Variants in CACNA1G observed in about 807,000 individuals in gnomAD.
CACNA1G encodes voltage-dependent T-type calcium channel subunit alpha-1G.
Under a neutral mutation model 219.4 loss-of-function variants are expected in CACNA1G, and 67 were observed. The observed-to-expected ratio is 0.31, with a 90% CI of 0.25 to 0.37. The LOEUF is 0.37. Ranked by LOEUF, CACNA1G falls within the 10% of genes least tolerant of loss-of-function variation. The pLI, the probability that CACNA1G is intolerant of heterozygous loss-of-function variation, is 1.00. For missense variants in CACNA1G, 2,380 were observed against 3,231.4 expected (o/e 0.74, Z 6.39); for synonymous variants, 1,296 against 1,345.3 (o/e 0.96, Z 0.80).
chr17:50,613,222 A>G (rs546868498), intron 26 of CACNA1G, among the ~76,000 whole-genome samples: 3 of 152,190 alleles, frequency 2.0e-5, no homozygotes, highest in Non-Finnish European at 4.4e-5. Flanking sequence ...TCTCCCTCTG[A>G]AAAACAAAGG....
Position 50,576,255 on chromosome 17 carries a change from C to G in CACNA1G, c.1853C>G (p.Thr618Ser), listed in dbSNP as rs749468845. 47 of 1,593,816 alleles carry G rather than the reference C, an allele frequency of 2.9e-5. No homozygotes were observed. Among genetic ancestry groups the G allele is most frequent in the Non-Finnish European group, 3.9e-5 (46 of 1,171,164 alleles). ...VEVAASSGPP[T>S]LTSLNIPPGP... ...GTGGCTGCCAGCTCTGGGCCCCCAA[C>G]CCTCACCAGCCTCAACATCCCACCC... The change falls in exon 8 of 38, where the codon ACC becomes AGC. Residue 618 changes from threonine to serine, a missense_variant. Coordinates refer to ENST00000359106, the MANE Select transcript of CACNA1G (RefSeq NM_018896.5).
At position 50,572,865 on chromosome 17, in the gene CACNA1G, C is replaced by T; in HGVS notation, c.1047+11C>T. The T allele has an allele frequency of 6.2e-7, 1 of 1,609,262 alleles. No homozygotes were observed. The highest frequency in any genetic ancestry group is 8.5e-7 in the Non-Finnish European group (1 of 1,177,188). On this transcript the variant is annotated intron_variant, in intron 6 of 37. Transcript: ENST00000359106. ...ATCGCCATCTTCCAGGTGGGGCAGCCTGGGCCCCGGGAGCTTCCCCAGAAC... is the reference window on the plus strand; with the variant it reads ...ATCGCCATCTTCCAGGTGGGGCAGCTTGGGCCCCGGGAGCTTCCCCAGAAC...
chr17:50,579,531 C>T (rs544450908), intron 9 of CACNA1G, among the ~76,000 whole-genome samples: 2 of 152,110 alleles, frequency 1.3e-5, no homozygotes, highest in Admixed American at 1.3e-4. Context: ...CCCCCTCCCC[C>T]CAGTCTGGCC....
At chr17:50,608,461 A>T (rs2048422035) in intron 25 of CACNA1G, among the ~76,000 whole-genome samples, 2 of 151,916 alleles carry the variant, frequency 1.3e-5, no homozygotes, top group South Asian at 4.2e-4. Flanking sequence ...TCAGTAATGG[A>T]CAACAGCGTA....
chr17:50,592,521 G>A (rs1317206464), intron 13 of CACNA1G, among the ~76,000 whole-genome samples: 1 of 152,210 alleles, frequency 6.6e-6, no homozygotes, highest in Non-Finnish European at 1.5e-5. Context: ...AGATGAAGAT[G>A]CCACTAAGAC....
intron 28 of CACNA1G, among the ~76,000 whole-genome samples, chr17:50,616,849 C>T (rs536450750): frequency 6.6e-5 from 10 of 152,040 alleles, no homozygotes; most frequent in African/African-American, 1.4e-4. Flanking sequence ...GGGTGTTTTT[C>T]GTTTTGTTTT....
intron 17 of CACNA1G, 34 bp downstream of exon 17, chr17:50,599,893 CCT>C (rs2046279318): frequency 6.3e-7 from 1 of 1,583,586 alleles, no homozygotes; most frequent in Non-Finnish European, 8.6e-7. Context: ...ACCCCTCACC[CCT>C]GACCTTGAAA....
chr17:50,578,151 G>A lies in CACNA1G; in HGVS notation c.1925-37G>A. The A allele has an allele frequency of 6.6e-7, 1 of 1,508,308 alleles. No individual in the cohort carries two copies. Among genetic ancestry groups the A allele is most frequent in the East Asian group, 2.3e-5 (1 of 43,770 alleles). The allele number at this position is 1,508,308 out of a possible 1,614,324, so 93.4% of individuals were successfully genotyped here. A position where few individuals can be genotyped will look rare whatever the true frequency, so the allele number is the denominator to read the frequency against. On this transcript the variant is annotated intron_variant, in intron 8 of 37. Transcript: ENST00000359106. The surrounding 1 kb of genome is among the most constrained non-coding windows in gnomAD (Gnocchi z 4.5). Reference sequence around the variant, plus strand: ...CAGGGCAGGGTAGCCCCAGGTACGAGACTCTGGAGCCTCTCACCTCTACTC... The same window carrying A: ...CAGGGCAGGGTAGCCCCAGGTACGAAACTCTGGAGCCTCTCACCTCTACTC...
intron 9 of CACNA1G, among the ~76,000 whole-genome samples, chr17:50,588,879 G>T (rs1040737309): frequency 6.6e-6 from 1 of 152,172 alleles, no homozygotes; most frequent in Non-Finnish European, 1.5e-5. Context: ...CCCTTGTTCC[G>T]AGTCTTTTCA....
rs372091314 is a variant in CACNA1G, at chr17:50,609,940, T to C, written c.4759+5T>C. Reference sequence around the variant, plus strand: ...GCTCAGCCAGCGCTGCGTCAGGTACTGCGTCTGGGGTGTGGGCTCATGCGT... The same window carrying C: ...GCTCAGCCAGCGCTGCGTCAGGTACCGCGTCTGGGGTGTGGGCTCATGCGT... On this transcript the variant is annotated splice_donor_5th_base_variant and intron_variant, in intron 26 of 37. Coordinates refer to ENST00000359106, the MANE Select transcript of CACNA1G (RefSeq NM_018896.5). 47 of 1,609,508 alleles carry C rather than the reference T, an allele frequency of 2.9e-5. No individual in the cohort carries two copies. Among genetic ancestry groups the C allele is most frequent in the Non-Finnish European group, 3.9e-5 (46 of 1,179,400 alleles).
rs1455531230 is a variant in CACNA1G, at chr17:50,602,816, G to T, written c.3916-4G>T. On this transcript the variant is annotated splice_polypyrimidine_tract_variant and splice_region_variant and intron_variant, in intron 19 of 37. Coordinates refer to ENST00000359106, the MANE Select transcript of CACNA1G (RefSeq NM_018896.5). ...GGGCAACCCCTGCCTCCCCTCTCTTGCAGGAACGCATCTTCCTGACCCTCT... is the reference window on the plus strand; with the variant it reads ...GGGCAACCCCTGCCTCCCCTCTCTTTCAGGAACGCATCTTCCTGACCCTCT... 1 of 1,613,530 alleles carries T rather than the reference G, an allele frequency of 6.2e-7. No homozygotes were observed. The highest frequency in any genetic ancestry group is 8.5e-7 in the Non-Finnish European group (1 of 1,179,756).
rs749639932 is a variant in CACNA1G at position 50,602,884 on chromosome 17, T to C, written c.3980T>C (p.Val1327Ala). 5.6e-6 allele frequency: 9 copies of C among 1,610,616 alleles called. No homozygotes were observed. Among genetic ancestry groups the C allele is most frequent in the Non-Finnish European group, 1.7e-6 (2 of 1,179,252 alleles). Residue 1327 changes from valine (V) to alanine (A), a missense_variant, in exon 20 of 38, where the codon GTG becomes GCG. Coordinates refer to ENST00000359106, the MANE Select transcript of CACNA1G (RefSeq NM_018896.5). ...GCAGTCTTTCTGGCTGAAATGACAG[T>C]GAAGGTGATGGGGGCTGGTGTTGGC... is the stretch of plus-strand genomic sequence containing the variant. ...FTAVFLAEMT[V>A]KVVALGWCFG...
intron 26 of CACNA1G, 48 bp downstream of exon 26, chr17:50,609,983 AC>A: frequency 6.4e-7 from 1 of 1,553,210 alleles, no homozygotes; most frequent in Non-Finnish European, 8.8e-7. Flanking sequence ...CATGCTCTTC[AC>A]TCCCTCCCCG....
At position 50,619,800 on chromosome 17, in the gene CACNA1G, C is replaced by A; in HGVS notation, c.5899C>A (p.Pro1967Thr). ...CCAGCCCTCTGCCTTCCCTTCTGCC[C>A]CCAGCCTGGGAGGCTCCGACCCACA... ...GGQPSAFPSA[P>T]SLGGSDPQIP... The change falls in exon 34 of 38, where the codon CCC becomes ACC. Residue 1967 changes from proline to threonine, a missense_variant. Physicochemically the swap from Pro to Thr is conservative, Grantham distance 38. Coordinates refer to ENST00000359106, the MANE Select transcript of CACNA1G (RefSeq NM_018896.5). 2 of 1,606,398 alleles carry A rather than the reference C, an allele frequency of 1.2e-6. No individual in the cohort carries two copies. Among genetic ancestry groups the A allele is most frequent in the East Asian group, 4.5e-5 (2 of 44,688 alleles).
chr17:50,626,763 C>T lies in CACNA1G; in HGVS notation c.*12C>T. On this transcript the variant is annotated 3_prime_UTR_variant, in exon 38 of 38. Coordinates refer to ENST00000359106, the MANE Select transcript of CACNA1G (RefSeq NM_018896.5). This position sits in a 1 kb window ranked among gnomAD's most constrained non-coding sequence, Gnocchi z 4.3. ...ACCTGGACCCCTGAGTCCTGCCCCA[C>T]TTTCCCACTCACCTTTCTCCACTGG... The T allele has an allele frequency of 6.2e-7, 1 of 1,613,104 alleles. No homozygotes were observed. Among genetic ancestry groups the T allele is most frequent in the Non-Finnish European group, 8.5e-7 (1 of 1,179,896 alleles).
At position 50,621,646 on chromosome 17, in the gene CACNA1G, C is replaced by G. The variant is rs1247432907; in HGVS notation, c.5926-14C>G. The G allele has an allele frequency of 2.0e-5, 33 of 1,613,046 alleles. No individual in the cohort carries two copies. The highest frequency in any genetic ancestry group is 2.8e-5 in the Non-Finnish European group (33 of 1,179,334). On this transcript the variant is annotated splice_polypyrimidine_tract_variant and intron_variant, in intron 34 of 37. Transcript: ENST00000359106. This position sits in a 1 kb window ranked among gnomAD's most constrained non-coding sequence, Gnocchi z 4.6. ...CCTGGTTTCTCATGCCTGATCATCT[C>G]TCTCCCTGTCTAGATCCCTCTAGCT...
At position 50,603,096 on chromosome 17, in the gene CACNA1G, A is replaced by G. The variant is rs1202527050; in HGVS notation, c.4066A>G (p.Ile1356Val). The part of the protein sequence containing the change: ...WNVLDGLLVL[I>V]SVIDILVSMV... ...CGTGCTGGACGGGCTGTTGGTGCTC[A>G]TCTCCGTCATCGACATTCTGGTGTC... Residue 1356 changes from isoleucine (I) to valine (V), a missense_variant, in exon 21 of 38, where the codon ATC becomes GTC. By Grantham distance (29) the Ile-to-Val change is conservative. This residue lies in a region of CACNA1G where 153 missense variants were observed against 374.9 expected (regional missense o/e 0.41). Coordinates refer to ENST00000359106, the MANE Select transcript of CACNA1G (RefSeq NM_018896.5). This position sits in a 1 kb window ranked among gnomAD's most constrained non-coding sequence, Gnocchi z 6.4. 1 of 1,613,378 alleles carries G rather than the reference A, an allele frequency of 6.2e-7. No individual in the cohort carries two copies. Among genetic ancestry groups the G allele is most frequent in the Non-Finnish European group, 8.5e-7 (1 of 1,179,626 alleles).
intron 7 of CACNA1G, among the ~76,000 whole-genome samples, chr17:50,574,751 T>A (rs1163795832): frequency 6.6e-6 from 1 of 152,088 alleles, no homozygotes; most frequent in African/African-American, 2.4e-5. Context: ...AAAAAAAAAA[T>A]CTGCTTTGTC....
chr17:50,615,594 G>C, intron 27 of CACNA1G, 82 bp downstream of exon 27: 5 of 1,489,248 alleles, frequency 3.4e-6, no homozygotes, highest in Non-Finnish European at 3.6e-6. Flanking sequence ...GCCTGAGCCA[G>C]GGTACCTCTG....
Sources: gnomAD v4.1 joint callset for allele counts (sites outside exome capture counted in the v4.1 genomes callset) on GRCh38, gnomAD v4.1.1 for gene constraint, gnomAD v4.1.1 regional missense constraint, Gnocchi (gnomAD v3.1) non-coding constraint, MANE v1.5 for transcripts, NCBI Gene and HGNC (gene_info 2026-07-23, HGNC 2026-07-21) for gene names.